FADS1: variants seen among roughly 807,000 people sequenced by gnomAD.
The protein encoded by FADS1 is acyl-CoA (8-3)-desaturase.
FADS1 carries 17 observed loss-of-function variants against 61.6 expected under a neutral mutation model. The ratio of observed to expected loss-of-function variants is 0.28; its 90% CI spans 0.19 to 0.41. The LOEUF (loss-of-function observed/expected upper bound fraction) is 0.41, where lower values mean the gene tolerates loss of function less well. Ranked by LOEUF, FADS1 falls within the 10% of genes least tolerant of loss-of-function variation. The pLI, the probability that FADS1 is intolerant of heterozygous loss-of-function variation, is 1.00. For synonymous variants in FADS1, 238 were observed against 258.7 expected (o/e 0.92, Z 0.77); for missense variants, 387 against 650.9 (o/e 0.59, Z 4.41).
At position 61,802,340 on chromosome 11, in the gene FADS1, C is replaced by T. The variant is rs2066861091; in HGVS notation, c.*71G>A. 7.5e-7 allele frequency: 1 copy of T among 1,341,946 alleles called. No homozygotes were observed. Among genetic ancestry groups the T allele is most frequent in the East Asian group, 2.5e-5 (1 of 40,138 alleles). The allele number at this position is 1,341,946 out of a possible 1,614,324, so 83.1% of individuals were successfully genotyped here. ...AGTATTAAACTATAGTGGCATTGTC[C>T]CTCAAGCTCCCCTCTGCCTTGGCTC... On this transcript the variant is annotated 3_prime_UTR_variant, in exon 12 of 12. Coordinates refer to ENST00000350997, the MANE Select transcript of FADS1 (RefSeq NM_013402.7). This position sits in a 1 kb window ranked among gnomAD's most constrained non-coding sequence, Gnocchi z 4.2.
In FADS1 at chr11:61,799,729, C is replaced by A. The variant is rs2066841967; in HGVS notation, c.*2682G>T. On this transcript the variant is annotated 3_prime_UTR_variant, in exon 12 of 12. Transcript: ENST00000350997. ...ATATTGGGCCTGATTTAAAAAATGCCTCTGGCCAGGTTGTAAAAAAGTGAA... is the reference window on the plus strand; with the variant it reads ...ATATTGGGCCTGATTTAAAAAATGCATCTGGCCAGGTTGTAAAAAAGTGAA... 6.6e-6 allele frequency: 1 copy of A among 152,328 alleles called. No individual in the cohort carries two copies. Among genetic ancestry groups the A allele is most frequent in the African/African-American group, 2.4e-5 (1 of 41,426 alleles). 9.4% of individuals were successfully genotyped at this position (152,328 alleles called of 1,614,324 possible).
chr11:61,816,971 G>C lies in FADS1; in HGVS notation c.-42C>G. 2 of 1,368,080 alleles carry C rather than the reference G, an allele frequency of 1.5e-6. No homozygotes were observed. The highest frequency in any genetic ancestry group is 1.9e-6 in the Non-Finnish European group (2 of 1,068,642). The allele number at this position is 1,368,080 out of a possible 1,614,324, so 84.7% of individuals were successfully genotyped here. On this transcript the variant is annotated 5_prime_UTR_variant, in exon 1 of 12. Coordinates refer to ENST00000350997, the MANE Select transcript of FADS1 (RefSeq NM_013402.7). This position sits in a 1 kb window ranked among gnomAD's most constrained non-coding sequence, Gnocchi z 7.0. ...CGCGGGGAGCGAGATCCCGTCCCCC[G>C]GTGGGTCTTGGGCAACTCACAGCTG... is the stretch of plus-strand genomic sequence containing the variant.
rs1406737027 is a variant in FADS1 at position 61,816,945 on chromosome 11, G to A, written c.-16C>T. The A allele has an allele frequency of 3.6e-6, 5 of 1,376,296 alleles. No individual in the cohort carries two copies. In the Admixed American group the frequency reaches 1.9e-4, roughly 53 times the overall value. 85.3% of individuals were successfully genotyped at this position (1,376,296 alleles called of 1,614,324 possible). A position where few individuals can be genotyped will look rare whatever the true frequency, so the allele number is the denominator to read the frequency against. On this transcript the variant is annotated 5_prime_UTR_variant, in exon 1 of 12. Coordinates refer to ENST00000350997, the MANE Select transcript of FADS1 (RefSeq NM_013402.7). The surrounding 1 kb of genome is among the most constrained non-coding windows in gnomAD (Gnocchi z 7.0). Reference sequence around the variant, plus strand: ...GCGTTCCCATTGGCCGAGCCTCGTGGCGCGGGGAGCGAGATCCCGTCCCCC... The same window carrying A: ...GCGTTCCCATTGGCCGAGCCTCGTGACGCGGGGAGCGAGATCCCGTCCCCC...
rs779010798 is a variant in FADS1 at position 61,812,658 on chromosome 11, G to A, written c.497C>T (p.Thr166Ile). ...GGCCCGCAGCTCCCGGAACTCATCT[G>A]TCAGCTCTTTCTGCAGAAGAGGAAG... ...SFEPTKNKEL[T>I]DEFRELRATV... is the part of the protein sequence containing the mutation. The change falls in exon 3 of 12, where the codon ACA becomes ATA. Residue 166 changes from threonine (T) to isoleucine (I), a missense_variant. Around this residue, in one of 2 missense-constraint regions of FADS1, gnomAD observed 257 missense variants for 533.3 expected, o/e 0.48. Coordinates refer to ENST00000350997, the MANE Select transcript of FADS1 (RefSeq NM_013402.7). The A allele has an allele frequency of 4.3e-6, 7 of 1,613,854 alleles. No individual in the cohort carries two copies. Among genetic ancestry groups the A allele is most frequent in the Non-Finnish European group, 5.9e-6 (7 of 1,179,966 alleles).
In FADS1 at chr11:61,804,687, C is replaced by T. The variant is rs752563163; in HGVS notation, c.1051G>A (p.Val351Met). Residue 351 changes from valine (V) to methionine (M), a missense_variant and splice_region_variant, in exon 7 of 12, where the codon GTG (valine) becomes ATG (methionine). Val to Met is a conservative substitution (Grantham distance 21). Around this residue, in one of 2 missense-constraint regions of FADS1, gnomAD observed 257 missense variants for 533.3 expected, o/e 0.48. Transcript: ENST00000350997. ...CTTCTTGGGCCATGGATACTCACCA[C>T]CCACTTCTTTCGCTGGATAACAAAA... Reference protein sequence around the residue: ...FYFVIQRKKWVDLAWMITFYV... With the variant: ...FYFVIQRKKWMDLAWMITFYV... 1 of 1,613,748 alleles carries T rather than the reference C, an allele frequency of 6.2e-7. No homozygotes were observed. Among genetic ancestry groups the T allele is most frequent in the Non-Finnish European group, 8.5e-7 (1 of 1,179,648 alleles).
At chr11:61,805,896 G>A (rs2066890012) in intron 6 of FADS1, 1 of 152,226 alleles carries the variant, frequency 6.6e-6, no homozygotes, top group Non-Finnish European at 1.5e-5. Flanking sequence ...CTGGGAATAT[G>A]TGGCAGTCAT....
In FADS1 at chr11:61,800,589, G is replaced by A. The variant is rs1449752024; in HGVS notation, c.*1822C>T. 2 of 152,404 alleles carry A rather than the reference G, an allele frequency of 1.3e-5. No individual in the cohort carries two copies. Among genetic ancestry groups the A allele is most frequent in the African/African-American group, 4.8e-5 (2 of 41,420 alleles). 9.4% of individuals were successfully genotyped at this position (152,404 alleles called of 1,614,324 possible). ...TGTGTTGACAAACCTCTCCATGGGT[G>A]GTGCATCTGACCCTATCCCAACATG... On this transcript the variant is annotated 3_prime_UTR_variant, in exon 12 of 12. Coordinates refer to ENST00000350997, the MANE Select transcript of FADS1 (RefSeq NM_013402.7).
In FADS1 at chr11:61,816,066, G is replaced by A. The variant is rs750880071; in HGVS notation, c.375+489C>T. On this transcript the variant is annotated intron_variant, in intron 1 of 11. Transcript: ENST00000350997. The surrounding 1 kb of genome is among the most constrained non-coding windows in gnomAD (Gnocchi z 7.0). ...ATCCTCGAGAATGGGCTCCTTTCCT[G>A]CTCCCTCTCCGCTCCTGCTGGCGAG... The A allele has an allele frequency of 2.8e-4, 167 of 594,404 alleles. 1 individual carries two copies. The highest frequency in any genetic ancestry group is 4.6e-4 in the Non-Finnish European group (154 of 336,784). The allele number at this position is 594,404 out of a possible 1,614,324, so 36.8% of individuals were successfully genotyped here. A position where few individuals can be genotyped will look rare whatever the true frequency, so the allele number is the denominator to read the frequency against.
intron 3 of FADS1, 143 bp downstream of exon 3, chr11:61,812,328 G>A (rs905885099): frequency 1.5e-5 from 10 of 673,662 alleles, no homozygotes; most frequent in Non-Finnish European, 2.3e-5. Context: ...ACAGCAGAAT[G>A]CATGTTCCTG....
intron 7 of FADS1, chr11:61,804,184 C>T (rs2066877969): frequency 4.5e-6 from 1 of 222,806 alleles, no homozygotes; most frequent in African/African-American, 2.3e-5. Context: ...AAACTTACCC[C>T]TCATTTCCAG....
intron 7 of FADS1, chr11:61,804,105 T>C (rs993238436): frequency 2.1e-5 from 7 of 334,376 alleles, no homozygotes; most frequent in Non-Finnish European, 3.9e-5. Context: ...CCTGATCAAA[T>C]CTCTCATCAC....
Position 61,803,210 on chromosome 11 carries a change from G to T in FADS1, c.1249-99C>A. 1 of 1,299,714 alleles carries T rather than the reference G, an allele frequency of 7.7e-7. No individual in the cohort carries two copies. The highest frequency in any genetic ancestry group is 1.1e-6 in the Non-Finnish European group (1 of 899,254). The allele number at this position is 1,299,714 out of a possible 1,614,324, so 80.5% of individuals were successfully genotyped here. A position where few individuals can be genotyped will look rare whatever the true frequency, so the allele number is the denominator to read the frequency against. ...CTGGCTGAGGAAGGGACATGAGACT[G>T]TCTTGGTCACTCCCTTCACATGGTT... On this transcript the variant is annotated intron_variant, in intron 9 of 11. Coordinates refer to ENST00000350997, the MANE Select transcript of FADS1 (RefSeq NM_013402.7). The surrounding 1 kb of genome is among the most constrained non-coding windows in gnomAD (Gnocchi z 4.3).
chr11:61,803,934 T>C lies in FADS1; in HGVS notation c.1054-167A>G, dbSNP rs2066875839. The C allele has an allele frequency of 4.8e-6, 3 of 619,104 alleles. No homozygotes were observed. In the South Asian group the frequency reaches 5.8e-5, roughly 12 times the overall value. The allele number at this position is 619,104 out of a possible 1,614,324, so 38.4% of individuals were successfully genotyped here. On this transcript the variant is annotated intron_variant, in intron 7 of 11. Coordinates refer to ENST00000350997, the MANE Select transcript of FADS1 (RefSeq NM_013402.7). The surrounding 1 kb of genome is among the most constrained non-coding windows in gnomAD (Gnocchi z 4.3). ...AGTATCTAGTGCCACTGCTCCTTTC[T>C]TCCATTCCCATTGGCACCCCCCAGC... is the stretch of plus-strand genomic sequence containing the variant.
Position 61,815,947 on chromosome 11 carries a change from C to T in FADS1, c.375+608G>A, listed in dbSNP as rs1022006878. Reference sequence around the variant, plus strand: ...TGTACGCCAGCGGCCGCTTGCCCTCCCCGGCCAGCGCTGTCCCTTCCGCGT... The same window carrying T: ...TGTACGCCAGCGGCCGCTTGCCCTCTCCGGCCAGCGCTGTCCCTTCCGCGT... On this transcript the variant is annotated intron_variant, in intron 1 of 11. Transcript: ENST00000350997. The surrounding 1 kb of genome is among the most constrained non-coding windows in gnomAD (Gnocchi z 6.4). 8 of 381,164 alleles carry T rather than the reference C, an allele frequency of 2.1e-5. No individual in the cohort carries two copies. Among genetic ancestry groups the T allele is most frequent in the Admixed American group, 4.3e-5 (1 of 23,158 alleles). The allele number at this position is 381,164 out of a possible 1,614,324, so 23.6% of individuals were successfully genotyped here.
intron 7 of FADS1, 193 bp downstream of exon 7, chr11:61,804,492 A>G (rs899495835): frequency 1.8e-6 from 1 of 563,060 alleles, no homozygotes; most frequent in African/African-American, 1.9e-5. Flanking sequence ...GAAATTACAC[A>G]TTGGGAATCA....
chr11:61,814,965 T>C (rs1223945145), intron 1 of FADS1: 3 of 153,434 alleles, frequency 2.0e-5, no homozygotes, highest in Non-Finnish European at 4.4e-5. Context: ...CTTCCCTACG[T>C]CCGAACTGGG....
intron 6 of FADS1, chr11:61,805,001 G>C (rs2066883558): frequency 7.0e-6 from 4 of 574,036 alleles, no homozygotes; most frequent in South Asian, 4.5e-5. Flanking sequence ...AAGGTGAGGG[G>C]TGCGAGTGGC....
Position 61,816,730 on chromosome 11 carries a change from G to A in FADS1, c.200C>T (p.Thr67Ile), listed in dbSNP as rs1293133395. 2 of 1,559,888 alleles carry A rather than the reference G, an allele frequency of 1.3e-6. No individual in the cohort carries two copies. Among genetic ancestry groups the A allele is most frequent in the African/African-American group, 2.7e-5 (2 of 73,674 alleles). ...AMAPDPVAAETAAQGPTPRYF... is the reference protein window; with the variant it reads ...AMAPDPVAAEIAAQGPTPRYF... Reference sequence around the variant, plus strand: ...GCGCGGGGTAGGTCCCTGAGCCGCGGTCTCGGCGGCCACCGGGTCGGGGGC... The same window carrying A: ...GCGCGGGGTAGGTCCCTGAGCCGCGATCTCGGCGGCCACCGGGTCGGGGGC... The change falls in exon 1 of 12, where the codon ACC (threonine) becomes ATC (isoleucine). Residue 67 changes from threonine to isoleucine, a missense_variant. Coordinates refer to ENST00000350997, the MANE Select transcript of FADS1 (RefSeq NM_013402.7). The surrounding 1 kb of genome is among the most constrained non-coding windows in gnomAD (Gnocchi z 7.0).
chr11:61,803,657 C>T lies in FADS1; in HGVS notation c.1151+13G>A. The T allele has an allele frequency of 6.3e-7, 1 of 1,596,038 alleles. No homozygotes were observed. Among genetic ancestry groups the T allele is most frequent in the Non-Finnish European group, 8.6e-7 (1 of 1,163,486 alleles). The stretch of plus-strand genomic sequence containing the variant: ...TCCTTCACCAGTCCCTATCCGCCCC[C>T]ACCGAATACTACCTGACTATGAAGA... On this transcript the variant is annotated intron_variant, in intron 8 of 11. Coordinates refer to ENST00000350997, the MANE Select transcript of FADS1 (RefSeq NM_013402.7). This position sits in a 1 kb window ranked among gnomAD's most constrained non-coding sequence, Gnocchi z 4.3.
Sources: gnomAD v4.1 joint callset for allele counts on GRCh38, gnomAD v4.1.1 for gene constraint, gnomAD v4.1.1 regional missense constraint, Gnocchi (gnomAD v3.1) non-coding constraint, MANE v1.5 for transcripts, NCBI Gene and HGNC (gene_info 2026-07-23, HGNC 2026-07-21) for gene names.